The following STAC variants were observed in gnomAD, a reference collection of about 807,000 sequenced individuals.
STAC encodes the protein SH3 and cysteine rich domain.
Under a neutral mutation model 48.8 loss-of-function variants are expected in STAC, and 43 were observed. That is an observed-to-expected ratio of 0.88 (90% confidence interval 0.69 to 1.14). STAC has a LOEUF of 1.14. Ranked by LOEUF, STAC falls within the 50% of genes most tolerant of loss-of-function variation. The pLI is 0.00. For synonymous variants in STAC, 193 were observed against 179.5 expected (o/e 1.07, Z -0.60); for missense variants, 497 against 504.0 (o/e 0.99, Z 0.13).
At chr3:36,541,135 CAAAG>C (rs1439821116) in intron 10 of STAC, among the ~76,000 whole-genome samples, 3 of 151,752 alleles carry the variant, frequency 2.0e-5, no homozygotes, top group East Asian at 1.9e-4. Flanking sequence ...TCCTTCCAGA[CAAAG>C]AAAGATTTTC....
intron 1 of STAC, among the ~76,000 whole-genome samples, chr3:36,418,393 G>T (rs140953547): frequency 6.6e-6 from 1 of 152,224 alleles, no homozygotes; most frequent in Non-Finnish European, 1.5e-5. Context: ...CTAATGAGAG[G>T]TGAGGATTAA....
At chr3:36,469,278 G>T (rs1016592318) in intron 2 of STAC, among the ~76,000 whole-genome samples, 12 of 152,090 alleles carry the variant, frequency 7.9e-5, no homozygotes, top group African/African-American at 2.7e-4. Context: ...TGCAGTGCTG[G>T]CTTGGTAGTG....
intron 2 of STAC, among the ~76,000 whole-genome samples, chr3:36,448,308 G>A (rs191787790): frequency 5.9e-5 from 9 of 152,082 alleles, no homozygotes; most frequent in Admixed American, 5.2e-4. Flanking sequence ...TGCAACCTCC[G>A]TCTCCTGGGT....
chr3:36,456,513 T>C (rs1296653129), intron 2 of STAC, among the ~76,000 whole-genome samples: 3 of 152,214 alleles, frequency 2.0e-5, no homozygotes, highest in Admixed American at 6.5e-5. Flanking sequence ...CCTGTCTTAA[T>C]GCCTTGCTCC....
intron 6 of STAC, among the ~76,000 whole-genome samples, chr3:36,500,500 C>T (rs919885237): frequency 1.3e-5 from 2 of 152,022 alleles, no homozygotes; most frequent in African/African-American, 4.8e-5. Flanking sequence ...GCATGCTGGG[C>T]TTAATGCCTA....
intron 1 of STAC, among the ~76,000 whole-genome samples, chr3:36,402,030 G>T (rs977118679): frequency 6.6e-6 from 1 of 152,126 alleles, no homozygotes; most frequent in Non-Finnish European, 1.5e-5. Flanking sequence ...CTTGCCCATG[G>T]TCACATGCCT....
intron 2 of STAC, among the ~76,000 whole-genome samples, chr3:36,471,867 C>T (rs921621059): frequency 7.2e-5 from 11 of 152,176 alleles, no homozygotes; most frequent in Admixed American, 1.3e-4. Flanking sequence ...TCCAGGCACA[C>T]GGTGCAAGCT....
rs199675015 is a variant in STAC at position 36,493,186 on chromosome 3, T to C, written c.723T>C (p.Asn241=). ...TTGTGGAGGTTCCTGAGGAAGCCAA[T>C]GGGCCAGGAGGCGGGTATGACCTAA... ...SDLVEVPEEA[N]GPGGGYDLRK... is the part of the protein sequence containing the mutation. The change falls in exon 6 of 11, where the codon AAT becomes AAC. Residue 241 remains asparagine, a synonymous_variant. Coordinates refer to ENST00000273183, the MANE Select transcript of STAC (RefSeq NM_003149.3). The C allele has an allele frequency of 2.5e-6, 4 of 1,613,466 alleles. No individual in the cohort carries two copies. Among genetic ancestry groups the C allele is most frequent in the African/African-American group, 1.3e-5 (1 of 74,924 alleles).
chr3:36,395,527 G>C (rs546801010), intron 1 of STAC, among the ~76,000 whole-genome samples: 13 of 152,186 alleles, frequency 8.5e-5, no homozygotes, highest in East Asian at 3.9e-4. Context: ...TATCTGGCTA[G>C]AGACTACTTG....
chr3:36,493,347 G>C (rs529282172), intron 6 of STAC, 118 bp downstream of exon 6: 2 of 894,576 alleles, frequency 2.2e-6, no homozygotes, highest in South Asian at 3.0e-5. Context: ...TAATCAGGGC[G>C]AGTGTTCAAT....
chr3:36,475,871 G>C (rs911686842), intron 2 of STAC, among the ~76,000 whole-genome samples: 1 of 152,224 alleles, frequency 6.6e-6, no homozygotes, highest in African/African-American at 2.4e-5. Context: ...CCTAGGTCAG[G>C]CAGGAGTCTG....
intron 8 of STAC, among the ~76,000 whole-genome samples, chr3:36,525,314 C>A (rs1002768597): frequency 1.3e-5 from 2 of 152,162 alleles, no homozygotes; most frequent in Non-Finnish European, 2.9e-5. Flanking sequence ...AAGGACAGAA[C>A]CCTCATCACA....
intron 2 of STAC, among the ~76,000 whole-genome samples, chr3:36,449,805 T>C (rs765167873): frequency 6.6e-6 from 1 of 152,180 alleles, no homozygotes; most frequent in Non-Finnish European, 1.5e-5. Context: ...CTCTGGAGCA[T>C]TGCGTGTCAT....
chr3:36,471,638 A>T (rs570760001), intron 2 of STAC, among the ~76,000 whole-genome samples: 26 of 152,282 alleles, frequency 1.7e-4, no homozygotes, highest in African/African-American at 6.3e-4. Context: ...ATTGGCCAAA[A>T]CAAAGGAGTT....
At position 36,546,389 on chromosome 3, in the gene STAC, GCCCCCC is replaced by G. The variant is rs1699447983; in HGVS notation, c.*101_*106del. Reference sequence around the variant, plus strand: ...CCAAAGGAGCTGCCGCACTGACCCAGCCCCCCAGGAAACAGTGAGACAAGAATCAAG... The same window carrying G: ...CCAAAGGAGCTGCCGCACTGACCCAGAGGAAACAGTGAGACAAGAATCAAG... On this transcript the variant is annotated 3_prime_UTR_variant, in exon 11 of 11. Transcript: ENST00000273183. 15 of 993,720 alleles carry G rather than the reference GCCCCCC, an allele frequency of 1.5e-5. No individual in the cohort carries two copies. The highest frequency in any genetic ancestry group is 2.2e-5 in the Non-Finnish European group (14 of 633,932). 61.6% of individuals were successfully genotyped at this position (993,720 alleles called of 1,614,324 possible).
chr3:36,416,018 T>C (rs1460668529), intron 1 of STAC, among the ~76,000 whole-genome samples: 1 of 152,270 alleles, frequency 6.6e-6, no homozygotes, highest in African/African-American at 2.4e-5. Flanking sequence ...CTAGTTGGGC[T>C]ATTACTCTCT....
intron 2 of STAC, among the ~76,000 whole-genome samples, chr3:36,481,602 G>T (rs1291866649): frequency 6.6e-6 from 1 of 152,112 alleles, no homozygotes; most frequent in African/African-American, 2.4e-5. Flanking sequence ...CCTCTAAAGA[G>T]ACTTACTTTG....
intron 2 of STAC, among the ~76,000 whole-genome samples, chr3:36,476,378 G>T (rs556326790): frequency 1.3e-5 from 2 of 152,214 alleles, no homozygotes; most frequent in Non-Finnish European, 2.9e-5. Context: ...AGTACTTAGA[G>T]GTGGTTCATA....
At position 36,507,317 on chromosome 3, in the gene STAC, T is replaced by C. The variant is rs376161121; in HGVS notation, c.920+1483T>C. ...TTTTTGTCGTGCTGCTGGATTCGGTTTGCCAGTATTTTATGAGGATTTTCA... is the reference window on the plus strand; with the variant it reads ...TTTTTGTCGTGCTGCTGGATTCGGTCTGCCAGTATTTTATGAGGATTTTCA... On this transcript the variant is annotated intron_variant, in intron 8 of 10. Transcript: ENST00000273183. Among the ~76,000 whole-genome samples the C allele has an allele frequency of 2.5e-4, 38 of 152,328 alleles. No homozygotes were observed. The East Asian group carries it at 5.6e-3, about 22-fold the overall frequency.
Sources: allele counts gnomAD v4.1 joint callset (sites outside exome capture counted in the v4.1 genomes callset), GRCh38; gene constraint gnomAD v4.1.1; transcripts MANE v1.5; gene names NCBI Gene and HGNC (gene_info 2026-07-23, HGNC 2026-07-21).